FTO: variants seen among roughly 807,000 people sequenced by gnomAD.
FTO encodes FTO alpha-ketoglutarate dependent dioxygenase.
FTO carries 47 observed loss-of-function variants against 63.9 expected under a neutral mutation model. The ratio of observed to expected loss-of-function variants is 0.74; its 90% CI spans 0.58 to 0.94. The LOEUF is 0.94. FTO is among the 40% of genes least tolerant of loss of function. The pLI, the probability that FTO is intolerant of heterozygous loss-of-function variation, is 0.00. For missense variants in FTO, 562 were observed against 618.1 expected (o/e 0.91, Z 0.96); for synonymous variants, 207 against 224.4 (o/e 0.92, Z 0.69).
chr16:53,954,051 G>A (rs985109986), intron 8 of FTO, among the ~76,000 whole-genome samples: 1 of 152,222 alleles, frequency 6.6e-6, no homozygotes, highest in Non-Finnish European at 1.5e-5. Context: ...CCTGCAGAAA[G>A]TGTAGTGCCC....
chr16:53,966,110 C>T (rs150805752), intron 8 of FTO, among the ~76,000 whole-genome samples: 3 of 152,298 alleles, frequency 2.0e-5, no homozygotes, highest in South Asian at 2.1e-4. Flanking sequence ...TCAAGTGATC[C>T]GCCCACCTTG....
chr16:53,787,766 T>G (rs978029337), intron 1 of FTO, among the ~76,000 whole-genome samples: 4 of 152,132 alleles, frequency 2.6e-5, no homozygotes, highest in African/African-American at 9.7e-5. Flanking sequence ...GACATTATAG[T>G]TAAATCAAGC....
At chr16:54,051,319 C>T (rs2085307658) in intron 8 of FTO, among the ~76,000 whole-genome samples, 1 of 152,180 alleles carries the variant, frequency 6.6e-6, no homozygotes, top group African/African-American at 2.4e-5. Flanking sequence ...GAGAAATAGC[C>T]TTGAGAAAAA....
intron 8 of FTO, among the ~76,000 whole-genome samples, chr16:54,014,287 G>A (rs966514063): frequency 1.8e-4 from 27 of 152,258 alleles, no homozygotes; most frequent in African/African-American, 6.5e-4. Context: ...GGTTATGGAG[G>A]CAGATCCCTC....
chr16:53,720,439 A>T (rs1394363381), intron 1 of FTO, among the ~76,000 whole-genome samples: 1 of 151,770 alleles, frequency 6.6e-6, no homozygotes, highest in East Asian at 1.9e-4. Context: ...TGTAGAAATT[A>T]TCAAGTTCTT....
chr16:54,076,352 A>G (rs1030491433), intron 8 of FTO, among the ~76,000 whole-genome samples: 1 of 152,152 alleles, frequency 6.6e-6, no homozygotes, highest in Non-Finnish European at 1.5e-5. Context: ...TCTCCTCTTC[A>G]TGAGAATAAA....
intron 7 of FTO, among the ~76,000 whole-genome samples, chr16:53,918,169 T>C (rs538586675): frequency 6.6e-6 from 1 of 152,236 alleles, no homozygotes; most frequent in East Asian, 1.9e-4. Context: ...AATAGCACAG[T>C]CATGTGTTGC....
At chr16:53,829,493 G>A (rs1247692903) in intron 3 of FTO, among the ~76,000 whole-genome samples, 1 of 152,254 alleles carries the variant, frequency 6.6e-6, no homozygotes, top group South Asian at 2.1e-4. Context: ...TCTTCTAAGT[G>A]ACAAGTGATA....
At chr16:53,709,175 C>G (rs905340595) in intron 1 of FTO, among the ~76,000 whole-genome samples, 1 of 152,218 alleles carries the variant, frequency 6.6e-6, no homozygotes, top group East Asian at 1.9e-4. Context: ...CATATTTTCT[C>G]TCTTGTGATT....
intron 7 of FTO, among the ~76,000 whole-genome samples, chr16:53,893,402 A>C (rs527421118): frequency 1.3e-5 from 2 of 152,316 alleles, no homozygotes; most frequent in South Asian, 4.1e-4. Flanking sequence ...ATTTGAAAGA[A>C]ACTGTACAGC....
chr16:54,095,344 T>G (rs1259345338), intron 8 of FTO, among the ~76,000 whole-genome samples: 1 of 152,122 alleles, frequency 6.6e-6, no homozygotes, highest in Non-Finnish European at 1.5e-5. Flanking sequence ...CCAGCCCTAA[T>G]GCCTAACTCA....
At chr16:54,029,113 CT>C (rs1441242705) in intron 8 of FTO, among the ~76,000 whole-genome samples, 10 of 152,198 alleles carry the variant, frequency 6.6e-5, no homozygotes, top group African/African-American at 2.4e-4. Flanking sequence ...AAAGATCGTA[CT>C]TTCTCTCAAG....
chr16:53,717,005 T>A (rs1015988664), intron 1 of FTO, among the ~76,000 whole-genome samples: 1 of 151,722 alleles, frequency 6.6e-6, no homozygotes. Flanking sequence ...CTGCTTTTTT[T>A]TACCATCCAG....
At chr16:54,073,030 A>G (rs2085904805) in intron 8 of FTO, among the ~76,000 whole-genome samples, 1 of 152,222 alleles carries the variant, frequency 6.6e-6, no homozygotes, top group African/African-American at 2.4e-5. Context: ...GTAGTTGGGT[A>G]TTCTGGGATA....
At chr16:53,904,644 C>T (rs1373330000) in intron 7 of FTO, among the ~76,000 whole-genome samples, 8 of 152,154 alleles carry the variant, frequency 5.3e-5, no homozygotes, top group Non-Finnish European at 1.2e-4. Flanking sequence ...TGTGCTATAA[C>T]TATTTTTGGC....
chr16:53,843,214 C>T (rs572304282), intron 3 of FTO, among the ~76,000 whole-genome samples: 1 of 152,202 alleles, frequency 6.6e-6, no homozygotes, highest in South Asian at 2.1e-4. Context: ...ATTTTACAAC[C>T]CCTGAATGTA....
intron 8 of FTO, among the ~76,000 whole-genome samples, chr16:53,988,013 C>A (rs1039950155): frequency 6.6e-6 from 1 of 152,130 alleles, no homozygotes; most frequent in African/African-American, 2.4e-5. Context: ...AAAATTAATT[C>A]TCCTGTTTTG....
intron 8 of FTO, among the ~76,000 whole-genome samples, chr16:53,982,934 G>A (rs1309348200): frequency 2.6e-5 from 4 of 152,024 alleles, no homozygotes; most frequent in African/African-American, 7.2e-5. Context: ...CTACCCAAGC[G>A]GGTAGTGATG....
intron 3 of FTO, among the ~76,000 whole-genome samples, chr16:53,835,257 T>G (rs538553137): frequency 1.7e-3 from 256 of 152,306 alleles, no homozygotes; most frequent in African/African-American, 5.8e-3. Context: ...TTCTGTGACC[T>G]CTTCATTGTA....
Sources: gnomAD v4.1 joint callset for allele counts (sites outside exome capture counted in the v4.1 genomes callset) on GRCh38, gnomAD v4.1.1 for gene constraint, MANE v1.5 for transcripts, NCBI Gene and HGNC (gene_info 2026-07-23, HGNC 2026-07-21) for gene names.